PTAR1: variants seen among roughly 807,000 people sequenced by gnomAD.
PTAR1 encodes protein prenyltransferase alpha subunit repeat containing 1, also known as protein prenyltransferase alpha subunit repeat-containing protein 1.
Under a neutral mutation model 45.5 loss-of-function variants are expected in PTAR1, and 17 were observed. The ratio of observed to expected loss-of-function variants is 0.37; its 90% CI spans 0.26 to 0.56. The LOEUF is 0.56. Among genes scored for constraint, PTAR1 ranks in the 20% least tolerant of loss-of-function variants. The pLI, the probability that PTAR1 is intolerant of heterozygous loss-of-function variation, is 0.77. For synonymous variants in PTAR1, 169 were observed against 171.3 expected (o/e 0.99, Z 0.11); for missense variants, 391 against 476.3 (o/e 0.82, Z 1.67).
In PTAR1 at chr9:69,715,622, T is replaced by C. The variant is rs1824699360; in HGVS notation, c.*2720A>G. ...GAAATATGTGTCAATAAGCCATCTT[T>C]TCCTTTTAACAATTAGATTGTTATA... On this transcript the variant is annotated 3_prime_UTR_variant, in exon 8 of 8. Coordinates refer to ENST00000340434, the MANE Select transcript of PTAR1 (RefSeq NM_001099666.2). 1 of 152,122 alleles carries C rather than the reference T, an allele frequency of 6.6e-6. No individual in the cohort carries two copies. Among genetic ancestry groups the C allele is most frequent in the Non-Finnish European group, 1.5e-5 (1 of 68,000 alleles). The allele number at this position is 152,122 out of a possible 1,614,324, so 9.4% of individuals were successfully genotyped here. A position where few individuals can be genotyped will look rare whatever the true frequency, so the allele number is the denominator to read the frequency against.
At chr9:69,731,680 T>C (rs1255951449) in intron 5 of PTAR1, among the ~76,000 whole-genome samples, 1 of 152,188 alleles carries the variant, frequency 6.6e-6, no homozygotes, top group Non-Finnish European at 1.5e-5. Context: ...AGGTAATTTA[T>C]AGGCTCAGCC....
chr9:69,748,899 C>T (rs1218206722), intron 2 of PTAR1, among the ~76,000 whole-genome samples: 1 of 152,006 alleles, frequency 6.6e-6, no homozygotes, highest in South Asian at 2.1e-4. Flanking sequence ...TAGTATGTGA[C>T]ACCATACTAA....
intron 5 of PTAR1, among the ~76,000 whole-genome samples, chr9:69,731,266 C>T (rs960622437): frequency 1.3e-5 from 2 of 152,256 alleles, no homozygotes; most frequent in East Asian, 3.9e-4. Flanking sequence ...TTACATAACA[C>T]TTCCCCACTT....
Position 69,723,366 on chromosome 9 carries a change from T to TC in PTAR1, c.906_907insG (p.Ile303AspfsTer2). 1 of 1,613,904 alleles carries TC rather than the reference T, an allele frequency of 6.2e-7. No homozygotes were observed. ...GTTTCATGTCCTGGGTAGGAATCAA[T>TC]AAGATCAGTGCTGAATTCAACTTCT... On this transcript the variant is annotated frameshift_variant, in exon 6 of 8. Coordinates refer to ENST00000340434, the MANE Select transcript of PTAR1 (RefSeq NM_001099666.2). LOFTEE classifies it high-confidence loss of function.
At chr9:69,731,440 CAT>C (rs1825532323) in intron 5 of PTAR1, among the ~76,000 whole-genome samples, 1 of 152,182 alleles carries the variant, frequency 6.6e-6, no homozygotes, top group African/African-American at 2.4e-5. Flanking sequence ...GCAAAAGGGA[CAT>C]GTGGCTCTCA....
At position 69,711,827 on chromosome 9, in the gene PTAR1, G is replaced by C. The variant is rs879048724; in HGVS notation, c.*6515C>G. ...ATAAGCCTCATAAATCATGTCAAAT[G>C]ATATAATTTCAAAATTCCACACATA... On this transcript the variant is annotated 3_prime_UTR_variant, in exon 8 of 8. Coordinates refer to ENST00000340434, the MANE Select transcript of PTAR1 (RefSeq NM_001099666.2). The C allele has an allele frequency of 2.6e-5, 4 of 152,080 alleles. No individual in the cohort carries two copies. Among genetic ancestry groups the C allele is most frequent in the African/African-American group, 9.7e-5 (4 of 41,412 alleles). 9.4% of individuals were successfully genotyped at this position (152,080 alleles called of 1,614,324 possible).
rs1162817722 is a variant in PTAR1 at position 69,716,185 on chromosome 9, C to T, written c.*2157G>A. On this transcript the variant is annotated 3_prime_UTR_variant, in exon 8 of 8. Coordinates refer to ENST00000340434, the MANE Select transcript of PTAR1 (RefSeq NM_001099666.2). ...GAAAAAAGGTAATACTGAGTTAGGC[C>T]AGAATCTGGCAACATATTTTAGTGG... 6.6e-6 allele frequency: 1 copy of T among 151,972 alleles called. No homozygotes were observed. Among genetic ancestry groups the T allele is most frequent in the Non-Finnish European group, 1.5e-5 (1 of 67,980 alleles). 9.4% of individuals were successfully genotyped at this position (151,972 alleles called of 1,614,324 possible). A position where few individuals can be genotyped will look rare whatever the true frequency, so the allele number is the denominator to read the frequency against.
rs958005994 is a variant in PTAR1 at position 69,718,473 on chromosome 9, G to A, written c.1078C>T (p.Pro360Ser). The A allele has an allele frequency of 2.5e-6, 4 of 1,613,618 alleles. No homozygotes were observed. The highest frequency in any genetic ancestry group is 2.5e-6 in the Non-Finnish European group (3 of 1,179,720). The change falls in exon 8 of 8, where the codon CCA (proline) becomes TCA (serine). Residue 360 changes from proline (P) to serine (S), a missense_variant. Around this residue, in one of 5 missense-constraint regions of PTAR1, gnomAD observed 181 missense variants for 227.7 expected, o/e 0.80. Transcript: ENST00000340434. ...TCTAGGCCTAGGGAGTCTGGAACTG[G>A]CGTCCGCTTCAGGCGTTTGGTTTCC... ...SQETKRLKRT[P>S]VPDSLGLEME... is the part of the protein sequence containing the mutation.
rs1430136639 is a variant in PTAR1 at position 69,723,603 on chromosome 9, T to C, written c.670A>G (p.Lys224Glu). ...KILLDELSST[K>E]HWASMHVSDH... ...GAAACGTGCATAGATGCCCAATGTT[T>C]AGTAGAAGATAGTTCATCAAGAAGA... The change falls in exon 6 of 8, where the codon AAA becomes GAA. Residue 224 changes from lysine (K) to glutamate (E), a missense_variant. Transcript: ENST00000340434. 6.2e-7 allele frequency: 1 copy of C among 1,609,164 alleles called. No homozygotes were observed. The highest frequency in any genetic ancestry group is 1.7e-5 in the Admixed American group (1 of 59,632).
intron 3 of PTAR1, among the ~76,000 whole-genome samples, chr9:69,736,634 A>G (rs563841184): frequency 2.0e-5 from 3 of 152,350 alleles, no homozygotes; most frequent in African/African-American, 7.2e-5. Flanking sequence ...CTTATTATTT[A>G]TAACTGTCTA....
At chr9:69,753,976 TAA>T (rs893528350) in intron 1 of PTAR1, among the ~76,000 whole-genome samples, 8 of 152,310 alleles carry the variant, frequency 5.3e-5, no homozygotes, top group African/African-American at 1.9e-4. Flanking sequence ...GTTCATTGGT[TAA>T]TAATGGAAAG....
chr9:69,746,369 T>C (rs1826276082), intron 2 of PTAR1, among the ~76,000 whole-genome samples: 1 of 152,186 alleles, frequency 6.6e-6, no homozygotes, highest in Admixed American at 6.5e-5. Flanking sequence ...CAAGTTCAGT[T>C]TAAATCCAGG....
chr9:69,722,418 T>C (rs971596924), intron 6 of PTAR1, among the ~76,000 whole-genome samples: 1 of 152,214 alleles, frequency 6.6e-6, no homozygotes, highest in Non-Finnish European at 1.5e-5. Flanking sequence ...ACAACTGAAG[T>C]TGATAGGTTG....
intron 5 of PTAR1, among the ~76,000 whole-genome samples, chr9:69,724,787 C>T (rs1260143512): frequency 6.6e-6 from 1 of 152,156 alleles, no homozygotes; most frequent in African/African-American, 2.4e-5. Context: ...CCTATACCTA[C>T]TGACATCAAA....
In PTAR1 at chr9:69,759,961, C is replaced by T; in HGVS notation, c.-23G>A. On this transcript the variant is annotated 5_prime_UTR_variant, in exon 1 of 8. Coordinates refer to ENST00000340434, the MANE Select transcript of PTAR1 (RefSeq NM_001099666.2). The stretch of plus-strand genomic sequence containing the variant: ...CATGTTGGCGGCGGCCGCGACAGTT[C>T]GGGCGCGCCTCCGCGTGAGCCGGGC... 1.4e-6 allele frequency: 2 copies of T among 1,463,740 alleles called. No individual in the cohort carries two copies. Among genetic ancestry groups the T allele is most frequent in the Non-Finnish European group, 9.1e-7 (1 of 1,101,892 alleles). The allele number at this position is 1,463,740 out of a possible 1,614,324, so 90.7% of individuals were successfully genotyped here. A position where few individuals can be genotyped will look rare whatever the true frequency, so the allele number is the denominator to read the frequency against.
At chr9:69,746,265 G>A (rs1432441304) in intron 2 of PTAR1, among the ~76,000 whole-genome samples, 3 of 152,214 alleles carry the variant, frequency 2.0e-5, no homozygotes, top group African/African-American at 7.2e-5. Context: ...ACCCTCTGAG[G>A]TCTTGATTAG....
chr9:69,732,583 A>C (rs952249384), intron 4 of PTAR1, among the ~76,000 whole-genome samples: 1 of 152,110 alleles, frequency 6.6e-6, no homozygotes, highest in African/African-American at 2.4e-5. Flanking sequence ...AAAAAAAAAA[A>C]ACTTTAAAAT....
chr9:69,721,622 G>A (rs1588444144), intron 6 of PTAR1, among the ~76,000 whole-genome samples: 1 of 152,126 alleles, frequency 6.6e-6, no homozygotes, highest in Non-Finnish European at 1.5e-5. Flanking sequence ...GAAAGGAAGA[G>A]TCAAACTTCA....
chr9:69,756,371 C>G (rs1313646838), intron 1 of PTAR1, among the ~76,000 whole-genome samples: 1 of 152,118 alleles, frequency 6.6e-6, no homozygotes, highest in Non-Finnish European at 1.5e-5. Flanking sequence ...TTTTATGACT[C>G]TTTTCATAAT....
Sources: gnomAD v4.1 joint callset for allele counts (sites outside exome capture counted in the v4.1 genomes callset) on GRCh38, gnomAD v4.1.1 for gene constraint, gnomAD v4.1.1 regional missense constraint, MANE v1.5 for transcripts, NCBI Gene and HGNC (gene_info 2026-07-23, HGNC 2026-07-21) for gene names.